RGS6: variants seen among roughly 807,000 people sequenced by gnomAD.
The protein encoded by RGS6 is regulator of G-protein signaling 6.
In RGS6, 30 loss-of-function variants were observed where a neutral mutation model predicts 78.5. That is an observed-to-expected ratio of 0.38 (90% CI 0.29 to 0.52). The LOEUF is 0.52. RGS6 is among the 20% of genes least tolerant of loss of function. The pLI is 0.85. For synonymous variants in RGS6, 206 were observed against 206.0 expected (o/e 1.00, Z 0.00); for missense variants, 495 against 609.7 (o/e 0.81, Z 1.98).
At chr14:72,375,218 A>C (rs2084396816) in intron 3 of RGS6, among the ~76,000 whole-genome samples, 1 of 152,230 alleles carries the variant, frequency 6.6e-6, no homozygotes, top group African/African-American at 2.4e-5. Flanking sequence ...TTTCCTTCCA[A>C]ATTTAAAGAT....
At chr14:72,247,167 G>A (rs941711720) in intron 2 of RGS6, among the ~76,000 whole-genome samples, 1 of 152,146 alleles carries the variant, frequency 6.6e-6, no homozygotes, top group East Asian at 1.9e-4. Flanking sequence ...CTAACACATT[G>A]TAGTTTTCCA....
At chr14:72,284,066 G>C (rs1411513218) in intron 2 of RGS6, among the ~76,000 whole-genome samples, 1 of 152,106 alleles carries the variant, frequency 6.6e-6, no homozygotes, top group Non-Finnish European at 1.5e-5. Context: ...GATGATTTAG[G>C]GTATCTGGCA....
intron 2 of RGS6, among the ~76,000 whole-genome samples, chr14:72,347,893 A>T (rs1169922468): frequency 6.6e-6 from 1 of 152,222 alleles, no homozygotes; most frequent in Admixed American, 6.5e-5. Context: ...AGAGGCAGAA[A>T]AGTGCAGAGT....
At chr14:72,148,063 A>G (rs1598385225) in intron 2 of RGS6, among the ~76,000 whole-genome samples, 1 of 149,030 alleles carries the variant, frequency 6.7e-6, no homozygotes, top group East Asian at 2.0e-4. Flanking sequence ...CCTGGGAGGC[A>G]GAGCTTGCAG....
intron 6 of RGS6, among the ~76,000 whole-genome samples, chr14:72,463,841 C>A (rs372057520): frequency 6.6e-6 from 1 of 152,164 alleles, no homozygotes; most frequent in Non-Finnish European, 1.5e-5. Context: ...TGTGATAGAT[C>A]GGACACCCCT....
chr14:72,047,361 G>T (rs559146041), intron 2 of RGS6, among the ~76,000 whole-genome samples: 30 of 152,262 alleles, frequency 2.0e-4, no homozygotes, highest in African/African-American at 7.2e-4. Flanking sequence ...TGTTAGTTTT[G>T]TTTAATCCCC....
In RGS6 at chr14:71,989,891, A is replaced by G. The variant is rs75940337; in HGVS notation, c.84+25016A>G. Among the ~76,000 whole-genome samples, 533 of 151,478 alleles carry G rather than the reference A, an allele frequency of 3.5e-3. 1 individual carries two copies. The highest frequency in any genetic ancestry group is 5.0e-3 in the Non-Finnish European group (339 of 67,818). ...CTTTCTCTTTCCTATTACCACATCC[A>G]TTGCTTGAGTTTCAGTCCTGTCTTA... On this transcript the variant is annotated intron_variant, in intron 2 of 17. Transcript: ENST00000553525.
intron 15 of RGS6, among the ~76,000 whole-genome samples, chr14:72,534,597 A>G (rs1598818370): frequency 1.3e-5 from 2 of 152,222 alleles, no homozygotes; most frequent in Non-Finnish European, 2.9e-5. Flanking sequence ...CCATTTATCT[A>G]TTCATTGATG....
At chr14:72,545,162 G>GT (rs2097375448) in intron 17 of RGS6, among the ~76,000 whole-genome samples, 1 of 152,236 alleles carries the variant, frequency 6.6e-6, no homozygotes, top group East Asian at 1.9e-4. Context: ...CAAAGGGTTA[G>GT]TTTTTATTGC....
chr14:71,981,028 A>C (rs1369530645), intron 2 of RGS6, among the ~76,000 whole-genome samples: 1 of 146,102 alleles, frequency 6.8e-6, no homozygotes, highest in East Asian at 2.0e-4. Context: ...TCCATTGCTG[A>C]TACCCTTTCT....
At chr14:72,408,137 TAA>T (rs1323573385) in intron 3 of RGS6, among the ~76,000 whole-genome samples, 2 of 152,336 alleles carry the variant, frequency 1.3e-5, no homozygotes, top group Middle Eastern at 3.4e-3. Flanking sequence ...AAGGAAATGA[TAA>T]AGAGTCCTTT....
chr14:72,120,728 A>G (rs1043186862), intron 2 of RGS6, among the ~76,000 whole-genome samples: 4 of 152,206 alleles, frequency 2.6e-5, no homozygotes, highest in Middle Eastern at 3.2e-3. Flanking sequence ...CATTTATATG[A>G]TACACAAGAA....
intron 15 of RGS6, among the ~76,000 whole-genome samples, chr14:72,526,399 CT>C (rs2097121771): frequency 2.0e-5 from 3 of 152,222 alleles, no homozygotes; most frequent in Non-Finnish European, 4.4e-5. Context: ...GCCACTGCGC[CT>C]GGCCAGGAAA....
chr14:71,988,957 TTTG>T (rs1409739376), intron 2 of RGS6, among the ~76,000 whole-genome samples: 1 of 152,202 alleles, frequency 6.6e-6, no homozygotes, highest in African/African-American at 2.4e-5. Context: ...TGATGAGATT[TTTG>T]TTTGTTTTTT....
In RGS6 at chr14:72,450,123, CAATTT is replaced by C. The variant is rs528230758; in HGVS notation, c.185-4402_185-4398del. ...GCTCCCCAAAATAACCTAAAGTTAA[CAATTT>C]AAATATATATCCAGAATTTTTCCTC... On this transcript the variant is annotated intron_variant, in intron 3 of 17. Coordinates refer to ENST00000553525, the MANE Select transcript of RGS6 (RefSeq NM_001204424.2). Among the ~76,000 whole-genome samples the C allele has an allele frequency of 1.6e-3, 243 of 152,138 alleles. 4 individuals are homozygous for C. The Middle Eastern group carries it at 0.02, about 13-fold the overall frequency.
the RGS6 span, among the ~76,000 whole-genome samples, chr14:71,907,115 G>A: frequency 1.3e-5 from 2 of 152,326 alleles, no homozygotes; most frequent in East Asian, 1.9e-4. Flanking sequence ...TATTGGATGT[G>A]GAGGATACAA....
At chr14:72,612,482 T>C in the RGS6 span, 1 of 518,456 alleles carries the variant, frequency 1.9e-6, no homozygotes, top group Admixed American at 1.9e-5. Flanking sequence ...ATGTTGAAAA[T>C]GTGCACGGGG....
chr14:71,983,985 G>A (rs2094573858), intron 2 of RGS6, among the ~76,000 whole-genome samples: 1 of 152,142 alleles, frequency 6.6e-6, no homozygotes, highest in South Asian at 2.1e-4. Context: ...AAGTAGCGTG[G>A]CACACAGTCT....
the RGS6 span, among the ~76,000 whole-genome samples, chr14:71,913,012 A>G: frequency 6.6e-6 from 1 of 151,848 alleles, no homozygotes; most frequent in Non-Finnish European, 1.5e-5. Flanking sequence ...TGTTTTTAGT[A>G]GAGAGGGGGT....
Sources: gnomAD v4.1 joint callset for allele counts (sites outside exome capture counted in the v4.1 genomes callset) on GRCh38, gnomAD v4.1.1 for gene constraint, MANE v1.5 for transcripts, NCBI Gene and HGNC (gene_info 2026-07-23, HGNC 2026-07-21) for gene names.